Variants in EFHD1 observed in about 807,000 individuals in gnomAD.
The protein encoded by EFHD1 is EF-hand domain family member D1.
In EFHD1, 10 loss-of-function variants were observed where a neutral mutation model predicts 17.2. That is an observed-to-expected ratio of 0.58 (90% CI 0.36 to 0.99). The LOEUF (loss-of-function observed/expected upper bound fraction) is 0.99, where lower values mean the gene tolerates loss of function less well. EFHD1 is among the 50% of genes least tolerant of loss of function. The probability of loss-of-function intolerance (pLI) is 0.01; values close to 1 mark genes in which losing one functional copy is unlikely to be tolerated. For missense variants in EFHD1, 310 were observed against 327.5 expected (o/e 0.95, Z 0.41); for synonymous variants, 153 against 142.0 (o/e 1.08, Z -0.55).
intron 1 of EFHD1, among the ~76,000 whole-genome samples, chr2:232,607,349 G>T (rs1244752074): frequency 1.3e-5 from 2 of 151,880 alleles, no homozygotes; most frequent in East Asian, 3.9e-4. Flanking sequence ...ACTTTGGGGG[G>T]CCGAGGCGGG....
intron 1 of EFHD1, among the ~76,000 whole-genome samples, chr2:232,654,105 G>C (rs926248014): frequency 1.3e-5 from 2 of 151,712 alleles, no homozygotes; most frequent in African/African-American, 4.8e-5. Context: ...TACTCGGGAG[G>C]CTGATGCATG....
At chr2:232,655,209 T>C (rs971679058) in intron 1 of EFHD1, among the ~76,000 whole-genome samples, 1 of 152,106 alleles carries the variant, frequency 6.6e-6, no homozygotes, top group African/African-American at 2.4e-5. Flanking sequence ...TTTTAAGAGA[T>C]AGATCTCACT....
chr2:232,678,511 G>A (rs1173657801), intron 3 of EFHD1, among the ~76,000 whole-genome samples: 1 of 152,116 alleles, frequency 6.6e-6, no homozygotes, highest in Non-Finnish European at 1.5e-5. Context: ...TTGGCCGGGC[G>A]CGGTGGCTCA....
chr2:232,658,692 A>G (rs180984101), intron 1 of EFHD1, among the ~76,000 whole-genome samples: 4 of 152,276 alleles, frequency 2.6e-5, no homozygotes, highest in African/African-American at 9.6e-5. Flanking sequence ...CAAAATGTCC[A>G]CAAGAGGCAA....
intron 1 of EFHD1, among the ~76,000 whole-genome samples, chr2:232,654,131 C>CG (rs1276759373): frequency 6.7e-6 from 1 of 150,366 alleles, no homozygotes; most frequent in Non-Finnish European, 1.5e-5. Flanking sequence ...CACTTGAACC[C>CG]GGGAGGCAGA....
rs1402206565 is a variant in EFHD1, at chr2:232,619,308, CTTTCTTT to C, written c.14+13139_14+13145del. 5.0e-4 allele frequency among the ~76,000 whole-genome samples: 73 copies of C among 145,226 alleles called. 1 individual carries two copies. Among genetic ancestry groups the C allele is most frequent in the Non-Finnish European group, 5.8e-4 (39 of 66,980 alleles). Reference sequence around the variant, plus strand: ...GAAATAAAGGGTGATTTCTTTCTTTCTTTCTTTTTTTTTTTTTTTGAGATGAAGTCTC... The same window carrying C: ...GAAATAAAGGGTGATTTCTTTCTTTCTTTTTTTTTTTTGAGATGAAGTCTC... On this transcript the variant is annotated intron_variant, in intron 1 of 3. Transcript: ENST00000409613.
In EFHD1 at chr2:232,610,212, G is replaced by C. The variant is rs143244359; in HGVS notation, c.14+4039G>C. ...CAGCAGGTTTGTTCTGCAAGGCTGA[G>C]GCCCCAGGCCCACCTGCCATCAGCT... On this transcript the variant is annotated intron_variant, in intron 1 of 3. Transcript: ENST00000409613. Among the ~76,000 whole-genome samples, 668 of 152,336 alleles carry C rather than the reference G, an allele frequency of 4.4e-3. 5 individuals are homozygous for C. Among genetic ancestry groups the C allele is most frequent in the African/African-American group, 0.012 (495 of 41,592 alleles).
chr2:232,626,616 G>T (rs1171350052), intron 1 of EFHD1, among the ~76,000 whole-genome samples: 3 of 152,122 alleles, frequency 2.0e-5, no homozygotes, highest in Non-Finnish European at 2.9e-5. Context: ...AATATTTGGT[G>T]TAATGGATGG....
intron 2 of EFHD1, among the ~76,000 whole-genome samples, chr2:232,671,412 G>T (rs932134483): frequency 1.3e-5 from 2 of 151,948 alleles, no homozygotes; most frequent in Non-Finnish European, 2.9e-5. Flanking sequence ...GCACTCCAGA[G>T]CGAGACCCTG....
chr2:232,682,003 T>C lies in EFHD1; in HGVS notation c.*284T>C. On this transcript the variant is annotated 3_prime_UTR_variant, in exon 4 of 4. Coordinates refer to ENST00000264059, the MANE Select transcript of EFHD1 (RefSeq NM_025202.4). Reference sequence around the variant, plus strand: ...CTTCTCAGCAACCTTCACTTTGTCCTTGTCCCTTTACCATTCCCCATCAAA... The same window carrying C: ...CTTCTCAGCAACCTTCACTTTGTCCCTGTCCCTTTACCATTCCCCATCAAA... The C allele has an allele frequency of 2.7e-6, 1 of 374,272 alleles. No individual in the cohort carries two copies. 23.2% of individuals were successfully genotyped at this position (374,272 alleles called of 1,614,324 possible).
intron 3 of EFHD1, among the ~76,000 whole-genome samples, chr2:232,674,495 A>T (rs1335464085): frequency 1.3e-5 from 2 of 152,152 alleles, no homozygotes; most frequent in African/African-American, 2.4e-5. Context: ...TGTCAGAGGG[A>T]CTTATTTTAT....
upstream of EFHD1, among the ~76,000 whole-genome samples, chr2:232,631,713 C>CAA (rs1694206577): frequency 9.4e-6 from 1 of 106,402 alleles, no homozygotes; most frequent in African/African-American, 3.6e-5. Flanking sequence ...AAAACAAAAA[C>CAA]AAAACCAGCT....
At chr2:232,620,200 A>G (rs55823115) in intron 1 of EFHD1, among the ~76,000 whole-genome samples, 39,849 of 150,440 alleles carry the variant, frequency 0.26, 6,707 homozygotes, top group Middle Eastern at 0.43. Flanking sequence ...CATCCTGGCT[A>G]ACACAGTGAA....
intron 1 of EFHD1, chr2:232,661,567 C>T (rs2106210560): frequency 8.8e-6 from 1 of 113,066 alleles, no homozygotes; most frequent in East Asian, 2.5e-4. Context: ...CACCACCACC[C>T]CTTTTTTTTT....
chr2:232,606,089 G>A lies in EFHD1; in HGVS notation c.-71G>A, dbSNP rs184210082. On this transcript the variant is annotated 5_prime_UTR_variant, in exon 1 of 4. Transcript: ENST00000409613. ...GCAGGCGGATACCCCGGCCTTGGCG[G>A]CTGCTTGCCTTTCTCCGTACTGTCC... 1.1e-5 allele frequency: 16 copies of A among 1,522,562 alleles called. No homozygotes were observed. In the African/African-American group the frequency reaches 2.2e-4, roughly 21 times the overall value. The allele number at this position is 1,522,562 out of a possible 1,614,324, so 94.3% of individuals were successfully genotyped here.
intron 2 of EFHD1, among the ~76,000 whole-genome samples, chr2:232,671,413 C>T (rs186444457): frequency 2.0e-5 from 3 of 151,958 alleles, no homozygotes; most frequent in African/African-American, 4.8e-5. Context: ...CACTCCAGAG[C>T]GAGACCCTGT....
At chr2:232,634,280 G>C (rs560293382) in intron 1 of EFHD1, among the ~76,000 whole-genome samples, 2,221 of 145,090 alleles carry the variant, frequency 0.015, 32 homozygotes, top group Middle Eastern at 0.025. Flanking sequence ...CCCCAACCCC[G>C]ACCACTGGTC....
In EFHD1 at chr2:232,672,317, C is replaced by T. The variant is rs1460926982; in HGVS notation, c.459C>T (p.Leu153=). 2 of 1,614,188 alleles carry T rather than the reference C, an allele frequency of 1.2e-6. No individual in the cohort carries two copies. The highest frequency in any genetic ancestry group is 1.7e-5 in the Admixed American group (1 of 60,016). Residue 153 remains leucine (L), a synonymous_variant, in exon 3 of 4, where the codon CTC becomes CTT. Coordinates refer to ENST00000264059, the MANE Select transcript of EFHD1 (RefSeq NM_025202.4). ...DGKLSFREFL[L]IFHKAAAGEL... is the part of the protein sequence containing the mutation. ...CTTTCTTTCCCCTGTAGTTCCTGCTCATTTTCCACAAGGCCGCGGCAGGGG... is the reference window on the plus strand; with the variant it reads ...CTTTCTTTCCCCTGTAGTTCCTGCTTATTTTCCACAAGGCCGCGGCAGGGG...
chr2:232,648,860 C>T (rs1694583013), intron 1 of EFHD1, among the ~76,000 whole-genome samples: 1 of 152,262 alleles, frequency 6.6e-6, no homozygotes, highest in East Asian at 1.9e-4. Flanking sequence ...TATTCCAAGC[C>T]TTTCTGTGTG....
Sources: allele counts gnomAD v4.1 joint callset (sites outside exome capture counted in the v4.1 genomes callset), GRCh38; gene constraint gnomAD v4.1.1; transcripts MANE v1.5; gene names NCBI Gene and HGNC (gene_info 2026-07-23, HGNC 2026-07-21).